PRKN: variants seen among roughly 807,000 people sequenced by gnomAD.
PRKN encodes parkin RBR E3 ubiquitin protein ligase.
A neutral mutation model predicts 59.5 loss-of-function variants in PRKN; 56 were observed. The observed-to-expected ratio is 0.94, with a 90% CI of 0.76 to 1.18. PRKN has a LOEUF of 1.18. Ranked by LOEUF, PRKN falls within the 50% of genes most tolerant of loss-of-function variation. The pLI is 0.00. For synonymous variants in PRKN, 250 were observed against 222.1 expected, an observed-to-expected ratio of 1.13 and a Z score of -1.12; for missense variants, 657 against 596.4, an observed-to-expected ratio of 1.10 and a Z score of -1.06.
intron 6 of PRKN, among the ~76,000 whole-genome samples, chr6:161,837,208 C>G (rs1248071026): frequency 6.6e-6 from 1 of 152,100 alleles, no homozygotes; most frequent in East Asian, 1.9e-4. Flanking sequence ...TCAGCTTTCC[C>G]GAGAAACTGG....
intron 2 of PRKN, among the ~76,000 whole-genome samples, chr6:162,303,099 A>C: frequency 6.6e-6 from 1 of 151,212 alleles, no homozygotes; most frequent in East Asian, 1.9e-4. Context: ...TTGGAAAGGT[A>C]ATTCAGTACT....
Position 161,499,305 on chromosome 6 carries a change from ATGTC to A in PRKN, c.1083+49545_1083+49548del, listed in dbSNP as rs1777871219. On this transcript the variant is annotated intron_variant, in intron 9 of 11. Coordinates refer to ENST00000366898, the MANE Select transcript of PRKN (RefSeq NM_004562.3). This position sits in a 1 kb window ranked among gnomAD's most constrained non-coding sequence, Gnocchi z 4.2. ...AGTTGCTATTTGTCATTACACATAA[ATGTC>A]TGTTGCATATAGGGAAATATTTCTG... 6.6e-6 allele frequency among the ~76,000 whole-genome samples: 1 copy of A among 152,196 alleles called. No individual in the cohort carries two copies. Among genetic ancestry groups the A allele is most frequent in the South Asian group, 2.1e-4 (1 of 4,830 alleles).
chr6:161,411,417 C>T (rs1215539650), intron 9 of PRKN, among the ~76,000 whole-genome samples: 1 of 152,206 alleles, frequency 6.6e-6, no homozygotes, highest in African/African-American at 2.4e-5. Context: ...ATTGTGAGGC[C>T]TCCCCAGCCA....
intron 2 of PRKN, among the ~76,000 whole-genome samples, chr6:162,406,734 CAAAGTCAG>C (rs887099652): frequency 2.0e-5 from 3 of 152,126 alleles, no homozygotes; most frequent in Non-Finnish European, 4.4e-5. Context: ...AGGTAGGTAG[CAAAGTCAG>C]TGTCTACACC....
intron 9 of PRKN, among the ~76,000 whole-genome samples, chr6:161,511,252 A>C (rs1778378341): frequency 6.6e-6 from 1 of 152,248 alleles, no homozygotes; most frequent in Non-Finnish European, 1.5e-5. Flanking sequence ...TCAATTTGTC[A>C]GATTGGAAAT....
chr6:161,679,879 C>T (rs900291444), intron 7 of PRKN, among the ~76,000 whole-genome samples: 5 of 151,494 alleles, frequency 3.3e-5, no homozygotes, highest in South Asian at 2.1e-4. Context: ...CTCAGCCCCC[C>T]CAGGAGCTGG....
chr6:161,852,443 G>C (rs1001221114), intron 6 of PRKN, among the ~76,000 whole-genome samples: 1 of 152,022 alleles, frequency 6.6e-6, no homozygotes, highest in African/African-American at 2.4e-5. Flanking sequence ...ACAAAGCAAG[G>C]CTCTGTCTCT....
intron 2 of PRKN, among the ~76,000 whole-genome samples, chr6:162,383,025 T>G (rs1021648315): frequency 1.3e-5 from 2 of 152,146 alleles, no homozygotes; most frequent in Non-Finnish European, 2.9e-5. Context: ...CCAATTTAAT[T>G]CTAGATCTCT....
intron 2 of PRKN, among the ~76,000 whole-genome samples, chr6:162,427,996 A>T (rs1196138189): frequency 6.6e-6 from 1 of 152,130 alleles, no homozygotes; most frequent in Non-Finnish European, 1.5e-5. Context: ...ATTTTTCTTA[A>T]GTTGAATGGT....
At chr6:162,654,994 T>C (rs1232425953) in intron 1 of PRKN, among the ~76,000 whole-genome samples, 1 of 152,216 alleles carries the variant, frequency 6.6e-6, no homozygotes, top group African/African-American at 2.4e-5. Context: ...GTCTTTTTAA[T>C]TAAACCCCAA....
At chr6:162,345,182 G>A (rs903231625) in intron 2 of PRKN, among the ~76,000 whole-genome samples, 2 of 152,174 alleles carry the variant, frequency 1.3e-5, no homozygotes, top group Non-Finnish European at 2.9e-5. Context: ...CATATCAGCT[G>A]TTCTTTTCCC....
At chr6:161,758,341 G>C (rs1434622703) in intron 7 of PRKN, among the ~76,000 whole-genome samples, 1 of 152,096 alleles carries the variant, frequency 6.6e-6, no homozygotes, top group Non-Finnish European at 1.5e-5. Flanking sequence ...ATCAGCAGTG[G>C]AAAGGATAAG....
intron 7 of PRKN, among the ~76,000 whole-genome samples, chr6:161,616,031 C>T (rs748372374): frequency 3.9e-5 from 6 of 152,112 alleles, no homozygotes; most frequent in Non-Finnish European, 8.8e-5. Flanking sequence ...CTCTTCTGGC[C>T]GCTCTCTCTC....
chr6:162,288,643 C>T (rs1236738822), intron 2 of PRKN, among the ~76,000 whole-genome samples: 1 of 152,118 alleles, frequency 6.6e-6, no homozygotes, highest in Admixed American at 6.6e-5. Context: ...ACGGAGCCCT[C>T]ACCGAGGCCC....
chr6:162,554,462 A>G (rs9356042), intron 1 of PRKN, among the ~76,000 whole-genome samples: 45,243 of 152,124 alleles, frequency 0.3, 7,151 homozygotes, highest in East Asian at 0.49. Context: ...AGATCGCCCC[A>G]TTGCATTCCA....
intron 1 of PRKN, among the ~76,000 whole-genome samples, chr6:162,460,780 GT>G (rs1791114800): frequency 1.3e-5 from 2 of 152,128 alleles, no homozygotes; most frequent in African/African-American, 4.8e-5. Context: ...TTTAGAGTTT[GT>G]TTTTATAATG....
chr6:162,103,586 A>G (rs902839363), intron 4 of PRKN, among the ~76,000 whole-genome samples: 1 of 152,174 alleles, frequency 6.6e-6, no homozygotes, highest in Admixed American at 6.5e-5. Flanking sequence ...AAAATATTTA[A>G]ATTTCTGGGA....
intron 1 of PRKN, among the ~76,000 whole-genome samples, chr6:162,632,475 CA>C (rs1777529367): frequency 6.6e-6 from 1 of 152,002 alleles, no homozygotes; most frequent in South Asian, 2.1e-4. Flanking sequence ...CTGGACATAA[CA>C]ATGGACACTG....
chr6:162,398,208 A>G (rs777819353), intron 2 of PRKN, among the ~76,000 whole-genome samples: 17 of 152,308 alleles, frequency 1.1e-4, no homozygotes, highest in Middle Eastern at 3.4e-3. Context: ...TGAAAAACAT[A>G]TAAAAGGCTT....
Sources: allele counts gnomAD v4.1 joint callset (sites outside exome capture counted in the v4.1 genomes callset), GRCh38; gene constraint gnomAD v4.1.1; non-coding constraint Gnocchi (gnomAD v3.1); transcripts MANE v1.5; gene names NCBI Gene and HGNC (gene_info 2026-07-23, HGNC 2026-07-21).